Variants in ARHGEF3 observed in about 807,000 individuals in gnomAD.
ARHGEF3 encodes 59.8 kDA protein.
A neutral mutation model predicts 63.2 loss-of-function variants in ARHGEF3; 28 were observed. The observed-to-expected ratio is 0.44, with a 90% CI of 0.33 to 0.61. The LOEUF is 0.61. Ranked by LOEUF, ARHGEF3 falls within the 20% of genes least tolerant of loss-of-function variation. ARHGEF3 has a pLI of 0.03. For synonymous variants in ARHGEF3, 266 were observed against 254.2 expected (o/e 1.05, Z -0.44); for missense variants, 533 against 659.3 (o/e 0.81, Z 2.10).
rs72294634 is a variant in ARHGEF3 at position 56,923,025 on chromosome 3, AATATATATATATATATATATATATAT to A, written c.129+35772_129+35797del. On this transcript the variant is annotated intron_variant, in intron 3 of 12. Transcript: ENST00000338458. ...AAATGGCAAAACCCCATCTCTACTAAATATATATATATATATATATATATATATATATATATATATATATATATATA... is the reference window on the plus strand; with the variant it reads ...AAATGGCAAAACCCCATCTCTACTAAATATATATATATATATATATATATA... Among the ~76,000 whole-genome samples the A allele has an allele frequency of 7.9e-3, 719 of 91,280 alleles. 25 individuals are homozygous for A. The highest frequency in any genetic ancestry group is 0.026 in the African/African-American group (548 of 20,800). The allele number at this position is 91,280 out of a possible 152,430, so 59.9% of individuals were successfully genotyped here.
At chr3:56,742,635 G>A (rs538783812) in intron 7 of ARHGEF3, among the ~76,000 whole-genome samples, 10 of 152,138 alleles carry the variant, frequency 6.6e-5, no homozygotes, top group Non-Finnish European at 1.2e-4. Context: ...TTCTGTTCAT[G>A]TGGGGTAATG....
At chr3:56,983,293 A>G (rs1041019257) in intron 2 of ARHGEF3, among the ~76,000 whole-genome samples, 1 of 152,162 alleles carries the variant, frequency 6.6e-6, no homozygotes, top group Non-Finnish European at 1.5e-5. Flanking sequence ...ACAAGTGACC[A>G]TGGTCTGCTA....
At chr3:56,837,122 AAGAGTCAGGATC>A (rs1188075412) in intron 4 of ARHGEF3, among the ~76,000 whole-genome samples, 1 of 152,204 alleles carries the variant, frequency 6.6e-6, no homozygotes, top group Admixed American at 6.5e-5. Context: ...AAAGAAAGTG[AAGAGTCAGGATC>A]AGAGTCAGGA....
rs183683870 is a variant in ARHGEF3, at chr3:56,866,921, T to C, written c.192+15371A>G. Reference sequence around the variant, plus strand: ...CCAACTGAGTTAAGTGTAGCACTGGTGTTAACAATTCCACATCCATATGAA... The same window carrying C: ...CCAACTGAGTTAAGTGTAGCACTGGCGTTAACAATTCCACATCCATATGAA... On this transcript the variant is annotated intron_variant, in intron 4 of 12. Coordinates refer to the ARHGEF3 transcript ENST00000338458. 2.0e-5 allele frequency among the ~76,000 whole-genome samples: 3 copies of C among 152,378 alleles called. No homozygotes were observed. The East Asian group carries it at 5.8e-4, about 29-fold the overall frequency.
chr3:57,003,949 A>G (rs1256278246), intron 2 of ARHGEF3, among the ~76,000 whole-genome samples: 1 of 152,208 alleles, frequency 6.6e-6, no homozygotes, highest in Non-Finnish European at 1.5e-5. Context: ...CTGTAAAATG[A>G]TCAATGTGTG....
rs201034970 is a variant in ARHGEF3 at position 56,821,179 on chromosome 3, A to AT, written c.193-47364_193-47363insA. ...GTCTCAAAAAAAAATAAATAAATAA[A>AT]AAAAATAGGGTCCTTATCAGGTAGA... On this transcript the variant is annotated intron_variant, in intron 4 of 12. Transcript: ENST00000338458. 9.9e-3 allele frequency among the ~76,000 whole-genome samples: 1,512 copies of AT among 152,110 alleles called. 73 individuals are homozygous for AT. Among genetic ancestry groups the AT allele is most frequent in the East Asian group, 0.09 (467 of 5,166 alleles).
chr3:56,838,703 G>C (rs75498370), intron 4 of ARHGEF3, among the ~76,000 whole-genome samples: 2 of 152,184 alleles, frequency 1.3e-5, no homozygotes, highest in Non-Finnish European at 2.9e-5. Context: ...ATACTATGAC[G>C]AGCTGACCTG....
chr3:56,848,457 G>A (rs958346207), intron 4 of ARHGEF3, among the ~76,000 whole-genome samples: 1 of 152,094 alleles, frequency 6.6e-6, no homozygotes, highest in Non-Finnish European at 1.5e-5. Flanking sequence ...CCCTTAGAGG[G>A]CTTTTTGGGA....
At chr3:56,912,655 G>GT (rs2041883789) in intron 3 of ARHGEF3, among the ~76,000 whole-genome samples, 1 of 152,186 alleles carries the variant, frequency 6.6e-6, no homozygotes, top group Non-Finnish European at 1.5e-5. Context: ...TCTAATAAAT[G>GT]TAAGTTATTA....
intron 3 of ARHGEF3, among the ~76,000 whole-genome samples, chr3:56,952,608 C>T (rs1699862946): frequency 6.6e-6 from 1 of 152,178 alleles, no homozygotes; most frequent in Non-Finnish European, 1.5e-5. Flanking sequence ...AAACTATACC[C>T]ACCTCTTAAG....
In ARHGEF3 at chr3:57,016,573, G is replaced by A. The variant is rs76695761; in HGVS notation, c.62+18515C>T. ...AAAAAGAAAAAAGAATGACAAAAAG[G>A]AGATCAAATCACATAATGTCCATGC... On this transcript the variant is annotated intron_variant, in intron 2 of 12. Transcript: ENST00000338458. Among the ~76,000 whole-genome samples, 22 of 152,156 alleles carry A rather than the reference G, an allele frequency of 1.4e-4. No homozygotes were observed. In the East Asian group the frequency reaches 3.9e-3, roughly 27 times the overall value.
At chr3:56,899,165 C>A (rs1282874676) in intron 3 of ARHGEF3, among the ~76,000 whole-genome samples, 2 of 152,188 alleles carry the variant, frequency 1.3e-5, no homozygotes, top group African/African-American at 4.8e-5. Context: ...AGGGGCTCCT[C>A]AGGATGTTAG....
At chr3:57,074,021 A>G (rs756952060) in intron 1 of ARHGEF3, 1 of 1,614,186 alleles carries the variant, frequency 6.2e-7, no homozygotes, top group South Asian at 1.1e-5. Context: ...CTTCACCTCC[A>G]GCTCTCCTGA....
At chr3:56,875,202 G>A (rs994753029) in intron 4 of ARHGEF3, among the ~76,000 whole-genome samples, 14 of 152,134 alleles carry the variant, frequency 9.2e-5, no homozygotes, top group African/African-American at 3.4e-4. Context: ...CCATCACATA[G>A]TAGCACTAAA....
chr3:56,963,421 T>G (rs1266140997), intron 2 of ARHGEF3, among the ~76,000 whole-genome samples: 1 of 152,164 alleles, frequency 6.6e-6, no homozygotes, highest in Non-Finnish European at 1.5e-5. Context: ...CTTCAATGTG[T>G]TATGAATATT....
intron 4 of ARHGEF3, among the ~76,000 whole-genome samples, chr3:56,852,590 A>G (rs1281627869): frequency 1.3e-5 from 2 of 152,210 alleles, no homozygotes; most frequent in Admixed American, 6.5e-5. Flanking sequence ...CTACAGAGCT[A>G]TGATCCTTTC....
intron 2 of ARHGEF3, chr3:57,007,106 G>C: frequency 8.7e-7 from 1 of 1,147,926 alleles, no homozygotes; most frequent in Non-Finnish European, 1.1e-6. Context: ...AACCCAGCAA[G>C]GTGTACAGTT....
In ARHGEF3 at chr3:56,882,320, G is replaced by A. The variant is rs1013498250; in HGVS notation, c.164C>T (p.Ala55Val). Reference sequence around the variant, plus strand: ...TATGTCGAGACTGCAAAGGCTAACAGCATCTTCATCTTGGGTGCTCTGTTT... The same window carrying A: ...TATGTCGAGACTGCAAAGGCTAACAACATCTTCATCTTGGGTGCTCTGTTT... The change falls in exon 4 of 13, where the codon GCT (alanine) becomes GTT (valine). Residue 55 changes from alanine (A) to valine (V), a missense_variant. By Grantham distance (64) the Ala-to-Val change is moderately conservative. Transcript: ENST00000338458. 22 of 1,551,720 alleles carry A rather than the reference G, an allele frequency of 1.4e-5. No individual in the cohort carries two copies. The Admixed American group carries it at 2.2e-4, about 15-fold the overall frequency.
chr3:56,878,361 G>C (rs1025377745), intron 4 of ARHGEF3, among the ~76,000 whole-genome samples: 1 of 152,182 alleles, frequency 6.6e-6, no homozygotes, highest in Non-Finnish European at 1.5e-5. Flanking sequence ...AGTGTACGTT[G>C]CTTTTTATTT....
Sources: gnomAD v4.1 joint callset for allele counts (sites outside exome capture counted in the v4.1 genomes callset) on GRCh38, gnomAD v4.1.1 for gene constraint, MANE v1.5 for transcripts, NCBI Gene and HGNC (gene_info 2026-07-23, HGNC 2026-07-21) for gene names.